The following NLGN1 variants were observed in gnomAD, a reference collection of about 807,000 sequenced individuals.
NLGN1 encodes neuroligin-1.
NLGN1 carries 12 observed loss-of-function variants against 65.5 expected under a neutral mutation model. That is an observed-to-expected ratio of 0.18 (90% CI 0.12 to 0.30). The LOEUF (loss-of-function observed/expected upper bound fraction) is 0.30. Among genes scored for constraint, NLGN1 ranks in the 10% least tolerant of loss-of-function variants. The pLI is 1.00. For missense variants in NLGN1, 750 were observed against 1,007.1 expected, an observed-to-expected ratio of 0.74 and a Z score of 3.46; for synonymous variants, 350 against 359.5, an observed-to-expected ratio of 0.97 and a Z score of 0.30.
At chr3:173,439,125 G>A (rs1043570316) in intron 2 of NLGN1, among the ~76,000 whole-genome samples, 6 of 152,278 alleles carry the variant, frequency 3.9e-5, no homozygotes, top group Non-Finnish European at 8.8e-5. Context: ...GTTGAAGTCT[G>A]TTTAATGCTT....
chr3:173,867,321 C>T (rs139540977), intron 4 of NLGN1, among the ~76,000 whole-genome samples: 12 of 152,050 alleles, frequency 7.9e-5, no homozygotes, highest in African/African-American at 2.7e-4. Flanking sequence ...ATTTTATACT[C>T]GTTATATTAA....
chr3:173,800,889 GC>G (rs1391166176), intron 3 of NLGN1, among the ~76,000 whole-genome samples: 1 of 151,814 alleles, frequency 6.6e-6, no homozygotes, highest in African/African-American at 2.4e-5. Context: ...CTGTTTATTT[GC>G]TTAAATGTCA....
intron 4 of NLGN1, among the ~76,000 whole-genome samples, chr3:174,107,005 CACACACACACACAG>C (rs1346620509): frequency 1.7e-4 from 20 of 119,262 alleles, no homozygotes; most frequent in African/African-American, 5.5e-4. Flanking sequence ...CACACACACA[CACACACACACACAG>C]AGAGAGAGAG....
chr3:173,766,300 G>T (rs986401142), intron 3 of NLGN1, among the ~76,000 whole-genome samples: 1 of 151,980 alleles, frequency 6.6e-6, no homozygotes, highest in African/African-American at 2.4e-5. Context: ...TATTGGCCAG[G>T]CTGGTCTCGA....
At chr3:173,716,158 T>C (rs1322669518) in intron 3 of NLGN1, among the ~76,000 whole-genome samples, 3 of 152,168 alleles carry the variant, frequency 2.0e-5, no homozygotes, top group Non-Finnish European at 4.4e-5. Flanking sequence ...TAAGAGCTGG[T>C]AGAGACAGTG....
In NLGN1 at chr3:174,129,901, A is replaced by G. The variant is rs1363732444; in HGVS notation, c.647-145414A>G. 3.3e-5 allele frequency among the ~76,000 whole-genome samples: 5 copies of G among 152,364 alleles called. No homozygotes were observed. In the East Asian group the frequency reaches 7.7e-4, roughly 23 times the overall value. On this transcript the variant is annotated intron_variant, in intron 4 of 6. Coordinates refer to ENST00000457714, the Ensembl canonical transcript of NLGN1. ...TTCATGTGTAATTTTCAAATGAACA[A>G]TATCTTTACATTTACTACTGATAAG...
chr3:173,527,484 A>T (rs1577110719), intron 2 of NLGN1, among the ~76,000 whole-genome samples: 1 of 151,508 alleles, frequency 6.6e-6, no homozygotes, highest in African/African-American at 2.4e-5. Context: ...TGCAAGCTCC[A>T]CCTCCCGGGT....
intron 2 of NLGN1, among the ~76,000 whole-genome samples, chr3:173,523,748 G>T (rs1316837353): frequency 1.3e-5 from 2 of 151,230 alleles, no homozygotes; most frequent in Non-Finnish European, 3.0e-5. Flanking sequence ...GCTCTTTTTT[G>T]ATTACATATG....
rs1162884272 is a variant in NLGN1, at chr3:174,278,279, G to GT, written c.860-581dup. ...TGTCTGACATGAAGATCTGGAAAGA[G>GT]TATGTCTAAAGTGATATTCTGTTTT... On this transcript the variant is annotated intron_variant, in intron 5 of 6. Coordinates refer to ENST00000457714, the Ensembl canonical transcript of NLGN1. 5.9e-5 allele frequency among the ~76,000 whole-genome samples: 9 copies of GT among 152,094 alleles called. No individual in the cohort carries two copies. The South Asian group carries it at 1.0e-3, about 18-fold the overall frequency.
intron 4 of NLGN1, among the ~76,000 whole-genome samples, chr3:174,072,149 T>C (rs1740025027): frequency 6.6e-6 from 1 of 152,226 alleles, no homozygotes; most frequent in African/African-American, 2.4e-5. Flanking sequence ...AAGTCTACTT[T>C]CACGTTATTG....
In NLGN1 at chr3:173,760,274, G is replaced by T. The variant is rs79631743; in HGVS notation, c.494-47406G>T. Among the ~76,000 whole-genome samples the T allele has an allele frequency of 8.1e-4, 123 of 151,884 alleles. 3 individuals carry two copies. In the East Asian group the frequency reaches 0.023, roughly 28 times the overall value. Reference sequence around the variant, plus strand: ...TGTATAATCTCTGAAAGAAGAATCCGCATTGAATTTGTCTTTGTATGCTTC... The same window carrying T: ...TGTATAATCTCTGAAAGAAGAATCCTCATTGAATTTGTCTTTGTATGCTTC... On this transcript the variant is annotated intron_variant, in intron 3 of 6. Coordinates refer to ENST00000457714, the Ensembl canonical transcript of NLGN1.
At chr3:173,521,457 A>G (rs1026459171) in intron 2 of NLGN1, among the ~76,000 whole-genome samples, 3 of 148,982 alleles carry the variant, frequency 2.0e-5, no homozygotes, top group African/African-American at 4.9e-5. Context: ...GCCTAAAAGT[A>G]TTGAACACCC....
intron 4 of NLGN1, among the ~76,000 whole-genome samples, chr3:174,001,517 T>G: frequency 6.6e-6 from 1 of 152,284 alleles, no homozygotes; most frequent in South Asian, 2.1e-4. Context: ...AAAAGATCAG[T>G]AACTAAAAGT....
chr3:173,459,994 A>T (rs770126908), intron 2 of NLGN1, among the ~76,000 whole-genome samples: 28 of 152,192 alleles, frequency 1.8e-4, no homozygotes, highest in Admixed American at 5.2e-4. Flanking sequence ...GACAATGCAG[A>T]ATTATTTTTT....
rs781316584 is a variant in NLGN1, at chr3:173,686,270, T to TA, written c.493+81193dup. ...AGAAAGCAAACGCAAAGCGCTTGAC[T>TA]AAAAAAAAAAAAAATCAAAACAGAA... On this transcript the variant is annotated intron_variant, in intron 3 of 6. Coordinates refer to ENST00000457714, the Ensembl canonical transcript of NLGN1. Among the ~76,000 whole-genome samples, 560 of 135,922 alleles carry TA rather than the reference T, an allele frequency of 4.1e-3. 2 individuals carry two copies. Among genetic ancestry groups the TA allele is most frequent in the Non-Finnish European group, 5.8e-3 (360 of 62,316 alleles). 89.2% of individuals were successfully genotyped at this position (135,922 alleles called of 152,430 possible).
chr3:174,045,379 C>T (rs1733323960), intron 4 of NLGN1, among the ~76,000 whole-genome samples: 1 of 151,902 alleles, frequency 6.6e-6, no homozygotes, highest in South Asian at 2.1e-4. Context: ...GGGAAAAGCC[C>T]CTCATAAAAC....
intron 3 of NLGN1, among the ~76,000 whole-genome samples, chr3:173,646,213 A>C (rs1354191913): frequency 2.0e-5 from 3 of 152,168 alleles, no homozygotes; most frequent in Non-Finnish European, 4.4e-5. Flanking sequence ...AAAAATTATC[A>C]ATGTGGAATT....
chr3:173,825,164 A>C (rs769888867), intron 4 of NLGN1, among the ~76,000 whole-genome samples: 1 of 152,216 alleles, frequency 6.6e-6, no homozygotes, highest in Non-Finnish European at 1.5e-5. Context: ...TCACTTTATA[A>C]GAATTCAGGT....
At chr3:173,843,964 T>C (rs575295631) in intron 4 of NLGN1, among the ~76,000 whole-genome samples, 61 of 152,156 alleles carry the variant, frequency 4.0e-4, no homozygotes, top group African/African-American at 1.4e-3. Flanking sequence ...AAGAAAAAGG[T>C]TTAATAGGAC....
Sources: gnomAD v4.1 joint callset for allele counts (sites outside exome capture counted in the v4.1 genomes callset) on GRCh38, gnomAD v4.1.1 for gene constraint, MANE v1.5 for transcripts, NCBI Gene and HGNC (gene_info 2026-07-23, HGNC 2026-07-21) for gene names.